Variants in CYP4V2 observed in about 807,000 individuals in gnomAD.
The protein encoded by CYP4V2 is cytochrome P450 4V2.
In CYP4V2, 55 loss-of-function variants were observed where a neutral mutation model predicts 60.8. The observed-to-expected ratio is 0.90, with a 90% CI of 0.73 to 1.13. CYP4V2 has a LOEUF of 1.13. CYP4V2 is among the 50% of genes most tolerant of loss of function. The pLI, the probability that CYP4V2 is intolerant of heterozygous loss-of-function variation, is 0.00. For synonymous variants in CYP4V2, 239 were observed against 236.8 expected (o/e 1.01, Z -0.08); for missense variants, 675 against 662.9 (o/e 1.02, Z -0.20).
chr4:186,205,443 C>G, intron 8 of CYP4V2, 141 bp downstream of exon 8: 2 of 860,510 alleles, frequency 2.3e-6, no homozygotes, highest in South Asian at 1.4e-5. Context: ...AAGGCCTCGT[C>G]CATTCACTCA....
intron 6 of CYP4V2, among the ~76,000 whole-genome samples, chr4:186,199,733 A>G (rs1302286653): frequency 6.6e-6 from 1 of 152,236 alleles, no homozygotes; most frequent in Non-Finnish European, 1.5e-5. Flanking sequence ...ATTCAAAAAT[A>G]ACCAGAAGAT....
chr4:186,196,351 ATGGACGGGAG>A, intron 3 of CYP4V2: 1 of 510,716 alleles, frequency 2.0e-6, no homozygotes, highest in South Asian at 2.0e-5. Flanking sequence ...GGAGGTCCTG[ATGGACGGGAG>A]TGGACGGGAT....
chr4:186,196,686 A>G lies in CYP4V2; in HGVS notation c.414-254A>G, dbSNP rs72646255. 2.1e-4 allele frequency: 90 copies of G among 434,862 alleles called. No homozygotes were observed. The East Asian group carries it at 3.5e-3, about 17-fold the overall frequency. The allele number at this position is 434,862 out of a possible 1,614,324, so 26.9% of individuals were successfully genotyped here. A position where few individuals can be genotyped will look rare whatever the true frequency, so the allele number is the denominator to read the frequency against. On this transcript the variant is annotated intron_variant, in intron 3 of 10. Transcript: ENST00000378802. ...AAAAATTCTTAAATTTTTCAATTTT[A>G]TGAATGCTATTTTAAACATGTATAG...
rs1383235571 is a variant in CYP4V2, at chr4:186,191,640, G to A, written c.-184G>A. 1 of 427,390 alleles carries A rather than the reference G, an allele frequency of 2.3e-6. No individual in the cohort carries two copies. The highest frequency in any genetic ancestry group is 3.7e-6 in the Non-Finnish European group (1 of 266,918). 26.5% of individuals were successfully genotyped at this position (427,390 alleles called of 1,614,324 possible). ...CCGGGCCGGGCGCAGGAACAGCCCCGTGGCGCCCTCTCTGGCCGCCGCCCG... is the reference window on the plus strand; with the variant it reads ...CCGGGCCGGGCGCAGGAACAGCCCCATGGCGCCCTCTCTGGCCGCCGCCCG... On this transcript the variant is annotated 5_prime_UTR_variant, in exon 1 of 11. In the 5' UTR this introduces an upstream ATG that the reference lacks. Transcript: ENST00000378802.
intron 10 of CYP4V2, 52 bp from the exon 11 acceptor site, chr4:186,210,417 A>G: frequency 6.2e-7 from 1 of 1,611,404 alleles, no homozygotes; most frequent in South Asian, 1.1e-5. Flanking sequence ...CTTGTTTCTC[A>G]CATTTGGGGT....
At chr4:186,201,595 CAG>C in intron 7 of CYP4V2, 3 of 326,928 alleles carry the variant, frequency 9.2e-6, no homozygotes, top group South Asian at 6.4e-5. Flanking sequence ...TAAGATTTGT[CAG>C]AGTTTTCCCA....
intron 4 of CYP4V2, 88 bp downstream of exon 4, chr4:186,197,218 G>C (rs1736174414): frequency 4.7e-6 from 7 of 1,487,780 alleles, no homozygotes; most frequent in Admixed American, 1.7e-5. Context: ...AAGGCAAATG[G>C]GGGGACGGGA....
intron 6 of CYP4V2, among the ~76,000 whole-genome samples, chr4:186,199,872 G>T (rs1477410348): frequency 6.6e-6 from 1 of 152,074 alleles, no homozygotes; most frequent in Non-Finnish European, 1.5e-5. Context: ...GTTTAAATAT[G>T]TCCTTTCTTT....
intron 3 of CYP4V2, chr4:186,196,366 CG>C (rs1175657126): frequency 2.7e-5 from 13 of 475,130 alleles, no homozygotes; most frequent in Non-Finnish European, 5.0e-5. Flanking sequence ...CGGGAGTGGA[CG>C]GGATGGAGGA....
intron 7 of CYP4V2, chr4:186,204,352 C>CTGGCGTAAGGTGGCGGTGGAGACGT (rs1736425961): frequency 1.7e-5 from 2 of 118,860 alleles, no homozygotes; most frequent in Non-Finnish European, 3.8e-5. Context: ...GGTGGAGGCG[C>CTGGCGTAAGGTGGCGGTGGAGACGT]TACGCTGGCG....
chr4:186,208,539 G>A (rs1399490345), intron 8 of CYP4V2, among the ~76,000 whole-genome samples: 2 of 149,570 alleles, frequency 1.3e-5, no homozygotes, highest in African/African-American at 5.0e-5. Flanking sequence ...TATTTGATGG[G>A]TATTTAGCAT....
intron 7 of CYP4V2, 41 bp from the exon 8 acceptor site, chr4:186,205,159 C>A: frequency 6.3e-7 from 1 of 1,588,034 alleles, no homozygotes; most frequent in Non-Finnish European, 8.6e-7. Context: ...ATCATCGCAG[C>A]ATAACTCTGC....
At chr4:186,205,158 G>A in intron 7 of CYP4V2, 42 bp from the exon 8 acceptor site, 5 of 1,588,700 alleles carry the variant, frequency 3.1e-6, no homozygotes, top group Non-Finnish European at 4.3e-6. Flanking sequence ...AATCATCGCA[G>A]CATAACTCTG....
intron 5 of CYP4V2, 82 bp from the exon 6 acceptor site, chr4:186,198,875 C>T: frequency 6.2e-7 from 1 of 1,604,610 alleles, no homozygotes. Context: ...CGATTGCCTT[C>T]ATCAAGGCCA....
Position 186,210,636 on chromosome 4 carries a change from C to A in CYP4V2, c.1573C>A (p.Arg525Ser), listed in dbSNP as rs140450256. 1.8e-5 allele frequency: 29 copies of A among 1,613,852 alleles called. No homozygotes were observed. In the African/African-American group the frequency reaches 3.9e-4, roughly 22 times the overall value. The change falls in exon 11 of 11, where the codon CGC becomes AGC. Residue 525 changes from arginine to serine, a missense_variant. By Grantham distance (110) the Arg-to-Ser change is moderately radical. Transcript: ENST00000378802. ...IKLKRRNADE[R>S] ...GTTGAAGAGGAGAAATGCAGATGAA[C>A]GCTAACTATATTATTGGGTTGTGCC...
Position 186,197,568 on chromosome 4 carries a change from A to G in CYP4V2, c.640A>G (p.Asn214Asp), listed in dbSNP as rs1736188805. 3.7e-6 allele frequency: 6 copies of G among 1,614,270 alleles called. No homozygotes were observed. Among genetic ancestry groups the G allele is most frequent in the Non-Finnish European group, 5.1e-6 (6 of 1,180,042 alleles). The change falls in exon 5 of 11, where the codon AAT becomes GAT. Residue 214 changes from asparagine (N) to aspartate (D), a missense_variant. Transcript: ENST00000378802. ...AMGKNIGAQS[N>D]DDSEYVRAVY... ...GGGGAAGAATATTGGTGCTCAAAGT[A>G]ATGATGATTCCGAGTATGTCCGTGC...
intron 7 of CYP4V2, chr4:186,203,798 T>C (rs1166667505): frequency 6.6e-6 from 1 of 152,226 alleles, no homozygotes; most frequent in Non-Finnish European, 1.5e-5. Flanking sequence ...CCTCAGGACC[T>C]GTAGGCTGTG....
At position 186,210,835 on chromosome 4, in the gene CYP4V2, C is replaced by A; in HGVS notation, c.*194C>A. The A allele has an allele frequency of 7.4e-6, 5 of 677,176 alleles. No individual in the cohort carries two copies. The highest frequency in any genetic ancestry group is 1.2e-5 in the Non-Finnish European group (5 of 419,874). The allele number at this position is 677,176 out of a possible 1,614,324, so 41.9% of individuals were successfully genotyped here. On this transcript the variant is annotated 3_prime_UTR_variant, in exon 11 of 11. Transcript: ENST00000378802. ...TTTTGTATTTTCTTTTTTCTTTTTT[C>A]TTTATTTTTTTTTTTTGAAACCGTG... is the stretch of plus-strand genomic sequence containing the variant.
chr4:186,204,903 AAGGCGC>A, intron 7 of CYP4V2: 1 of 444,914 alleles, frequency 2.2e-6, no homozygotes, highest in South Asian at 2.1e-5. Context: ...TCTGTTCACA[AAGGCGC>A]AGCTCACCTC....
Sources: gnomAD v4.1 joint callset for allele counts (sites outside exome capture counted in the v4.1 genomes callset) on GRCh38, gnomAD v4.1.1 for gene constraint, MANE v1.5 for transcripts, NCBI Gene and HGNC (gene_info 2026-07-23, HGNC 2026-07-21) for gene names.